The following EEPD1 variants were observed in gnomAD, a reference collection of about 807,000 sequenced individuals.
EEPD1 encodes the protein endonuclease/exonuclease/phosphatase family domain containing 1.
EEPD1 carries 17 observed loss-of-function variants against 46.3 expected under a neutral mutation model. That is an observed-to-expected ratio of 0.37 (90% CI 0.25 to 0.55). The LOEUF is 0.55. EEPD1 is among the 20% of genes least tolerant of loss of function. EEPD1 has a pLI of 0.83. For missense variants in EEPD1, 673 were observed against 745.6 expected, an observed-to-expected ratio of 0.90 and a Z score of 1.13; for synonymous variants, 313 against 315.6, an observed-to-expected ratio of 0.99 and a Z score of 0.09.
chr7:36,254,988 G>A (rs1255429036), intron 3 of EEPD1, among the ~76,000 whole-genome samples: 1 of 152,074 alleles, frequency 6.6e-6, no homozygotes, highest in African/African-American at 2.4e-5. Context: ...GGGGTTGTTT[G>A]TTTATTTCTT....
At chr7:36,156,874 G>T (rs1784833309) in intron 2 of EEPD1, among the ~76,000 whole-genome samples, 1 of 152,186 alleles carries the variant, frequency 6.6e-6, no homozygotes, top group South Asian at 2.1e-4. Flanking sequence ...CCTTCCTCTG[G>T]CAGGGTTAGT....
At chr7:36,257,936 A>G (rs1786852955) in intron 3 of EEPD1, among the ~76,000 whole-genome samples, 1 of 152,116 alleles carries the variant, frequency 6.6e-6, no homozygotes, top group Admixed American at 6.5e-5. Context: ...GCCTTTTTGC[A>G]CTGGTTTTTC....
At chr7:36,290,917 A>C (rs769703428) in intron 6 of EEPD1, among the ~76,000 whole-genome samples, 1 of 152,196 alleles carries the variant, frequency 6.6e-6, no homozygotes, top group Non-Finnish European at 1.5e-5. Flanking sequence ...GCTCCTGCGC[A>C]TCTACCTGTG....
intron 2 of EEPD1, among the ~76,000 whole-genome samples, chr7:36,180,750 C>G (rs189391025): frequency 6.6e-6 from 1 of 152,102 alleles, no homozygotes; most frequent in Non-Finnish European, 1.5e-5. Flanking sequence ...CTGGACTGGT[C>G]GGGCTCCTTC....
At chr7:36,263,436 T>C (rs953296375) in intron 3 of EEPD1, among the ~76,000 whole-genome samples, 1 of 152,220 alleles carries the variant, frequency 6.6e-6, no homozygotes, top group African/African-American at 2.4e-5. Flanking sequence ...CCTGCTCTCT[T>C]GGTTCACCTG....
intron 2 of EEPD1, among the ~76,000 whole-genome samples, chr7:36,223,843 A>G (rs570083245): frequency 9.2e-5 from 14 of 152,342 alleles, no homozygotes; most frequent in Non-Finnish European, 1.6e-4. Context: ...GCAGTTTGTT[A>G]CAACTGTGTC....
intron 2 of EEPD1, among the ~76,000 whole-genome samples, chr7:36,183,280 A>C (rs1016993019): frequency 2.0e-5 from 3 of 152,208 alleles, no homozygotes; most frequent in African/African-American, 4.8e-5. Flanking sequence ...TGGCTAATAC[A>C]ATTTAGTTGT....
intron 6 of EEPD1, among the ~76,000 whole-genome samples, chr7:36,295,385 G>A (rs987413160): frequency 3.3e-5 from 5 of 152,022 alleles, no homozygotes; most frequent in Admixed American, 6.5e-5. Flanking sequence ...ATAACTCAAG[G>A]TATACCTGAC....
chr7:36,238,980 T>TA lies in EEPD1; in HGVS notation c.879-4dup, dbSNP rs1786506374. 6 of 1,604,866 alleles carry TA rather than the reference T, an allele frequency of 3.7e-6. No individual in the cohort carries two copies. The East Asian group carries it at 1.1e-4, about 30-fold the overall frequency. On this transcript the variant is annotated splice_polypyrimidine_tract_variant and splice_region_variant and intron_variant, in intron 2 of 7. Coordinates refer to ENST00000242108, the MANE Select transcript of EEPD1 (RefSeq NM_030636.3). ...CAAGTGTGGTTTTGATTTTTTTTCT[T>TA]ACAGCATCAAGCTTCTAGCTGTGCA... is the stretch of plus-strand genomic sequence containing the variant.
intron 2 of EEPD1, among the ~76,000 whole-genome samples, chr7:36,168,592 A>G (rs1478432804): frequency 2.6e-5 from 4 of 152,228 alleles, no homozygotes; most frequent in Non-Finnish European, 5.9e-5. Context: ...ATCTCTACTA[A>G]AAATACAAAA....
chr7:36,182,278 A>G (rs1785280985), intron 2 of EEPD1, among the ~76,000 whole-genome samples: 1 of 152,204 alleles, frequency 6.6e-6, no homozygotes. Flanking sequence ...TCTTCTTTGC[A>G]TTTTTGTGTA....
chr7:36,192,321 T>G (rs889910169), intron 2 of EEPD1, among the ~76,000 whole-genome samples: 1 of 152,174 alleles, frequency 6.6e-6, no homozygotes, highest in African/African-American at 2.4e-5. Context: ...ACTCCTTGTA[T>G]CACGTGAATT....
chr7:36,238,015 G>A (rs779024218), intron 2 of EEPD1, among the ~76,000 whole-genome samples: 30 of 152,252 alleles, frequency 2.0e-4, no homozygotes, highest in South Asian at 2.1e-4. Context: ...ATAAGGGGTC[G>A]ATTATTTATG....
chr7:36,170,278 G>A (rs1053536428), intron 2 of EEPD1, among the ~76,000 whole-genome samples: 9 of 150,438 alleles, frequency 6.0e-5, no homozygotes, highest in Admixed American at 2.7e-4. Context: ...GCATGGTGGC[G>A]CATGTCTGTA....
intron 2 of EEPD1, among the ~76,000 whole-genome samples, chr7:36,166,715 T>G (rs1401499897): frequency 6.6e-6 from 1 of 152,214 alleles, no homozygotes; most frequent in Non-Finnish European, 1.5e-5. Context: ...GGTATTTTGA[T>G]TGATTAATTC....
At chr7:36,199,274 A>G (rs1374614793) in intron 2 of EEPD1, among the ~76,000 whole-genome samples, 5 of 152,158 alleles carry the variant, frequency 3.3e-5, no homozygotes, top group Non-Finnish European at 7.3e-5. Flanking sequence ...CTGAGTTGAC[A>G]CAGTTTTCCA....
chr7:36,286,761 T>C (rs1787347884), intron 5 of EEPD1, among the ~76,000 whole-genome samples: 1 of 152,134 alleles, frequency 6.6e-6, no homozygotes, highest in Non-Finnish European at 1.5e-5. Flanking sequence ...CGGTGGGTCC[T>C]GGCAGGAGAC....
At chr7:36,256,105 G>C (rs1786825076) in intron 3 of EEPD1, among the ~76,000 whole-genome samples, 1 of 152,164 alleles carries the variant, frequency 6.6e-6, no homozygotes, top group Non-Finnish European at 1.5e-5. Context: ...TCAGGAGCAG[G>C]TTGTTCAGTT....
At chr7:36,171,772 A>G (rs1785088092) in intron 2 of EEPD1, among the ~76,000 whole-genome samples, 1 of 152,172 alleles carries the variant, frequency 6.6e-6, no homozygotes, top group Admixed American at 6.5e-5. Context: ...CTCACTCATT[A>G]ATTGTAAGCT....
Sources: allele counts gnomAD v4.1 joint callset (sites outside exome capture counted in the v4.1 genomes callset), GRCh38; gene constraint gnomAD v4.1.1; transcripts MANE v1.5; gene names NCBI Gene and HGNC (gene_info 2026-07-23, HGNC 2026-07-21).